Variants in SPATS2L observed in about 807,000 individuals in gnomAD.
SPATS2L encodes the protein SPATS2-like protein.
SPATS2L carries 30 observed loss-of-function variants against 59.6 expected under a neutral mutation model. The observed-to-expected ratio is 0.50, with a 90% CI of 0.38 to 0.68. The LOEUF (loss-of-function observed/expected upper bound fraction) is 0.68. Among genes scored for constraint, SPATS2L ranks in the 30% least tolerant of loss-of-function variants. The probability of loss-of-function intolerance (pLI) is 0.00; values close to 1 mark genes in which losing one functional copy is unlikely to be tolerated. For missense variants in SPATS2L, 615 were observed against 700.0 expected, an observed-to-expected ratio of 0.88 and a Z score of 1.37; for synonymous variants, 252 against 263.5, an observed-to-expected ratio of 0.96 and a Z score of 0.42.
At chr2:200,469,868 C>A (rs761025502) in intron 10 of SPATS2L, 46 bp from the exon 11 acceptor site, 2 of 1,495,526 alleles carry the variant, frequency 1.3e-6, no homozygotes, top group South Asian at 2.4e-5. Flanking sequence ...GTGCCTTGGT[C>A]ATTTCTGTAA....
rs779277281 is a variant in SPATS2L, at chr2:200,473,013, C to T, written c.1242C>T (p.Thr414=). 3 of 1,613,620 alleles carry T rather than the reference C, an allele frequency of 1.9e-6. No homozygotes were observed. The highest frequency in any genetic ancestry group is 2.2e-5 in the South Asian group (2 of 91,058). Residue 414 remains threonine (T), a synonymous_variant, in exon 12 of 13, where the codon ACC becomes ACT. Coordinates refer to ENST00000409140, the MANE Select transcript of SPATS2L (RefSeq NM_001100423.2). ...NPKMVSSLPS[T]ADPSHQTMPA... ...AAATGGTGAGCAGTCTCCCCAGCAC[C>T]GCCGACCCCTCTCACCAGACCATGC...
Position 200,481,372 on chromosome 2 carries a change from A to G in SPATS2L, c.*3341A>G, listed in dbSNP as rs1310295317. 1.3e-5 allele frequency: 2 copies of G among 152,176 alleles called. No individual in the cohort carries two copies. The highest frequency in any genetic ancestry group is 4.8e-5 in the African/African-American group (2 of 41,430). The allele number at this position is 152,176 out of a possible 1,614,324, so 9.4% of individuals were successfully genotyped here. A position where few individuals can be genotyped will look rare whatever the true frequency, so the allele number is the denominator to read the frequency against. Reference sequence around the variant, plus strand: ...AGATTTGGAAATTCTGACTCTCTGAAAGCCTTGATTTGAACCTCAAACTTG... The same window carrying G: ...AGATTTGGAAATTCTGACTCTCTGAGAGCCTTGATTTGAACCTCAAACTTG... On this transcript the variant is annotated 3_prime_UTR_variant, in exon 13 of 13. Transcript: ENST00000409140.
chr2:200,391,204 G>A (rs978282613), intron 3 of SPATS2L, among the ~76,000 whole-genome samples: 4 of 152,068 alleles, frequency 2.6e-5, no homozygotes, highest in South Asian at 4.1e-4. Flanking sequence ...AGCAGTACCC[G>A]TGACTTTCAC....
intron 6 of SPATS2L, among the ~76,000 whole-genome samples, chr2:200,422,008 G>T (rs1397601943): frequency 6.6e-6 from 1 of 152,154 alleles, no homozygotes; most frequent in Non-Finnish European, 1.5e-5. Context: ...ATATAGAAGT[G>T]CCTCCCTTCC....
intron 3 of SPATS2L, among the ~76,000 whole-genome samples, chr2:200,399,900 G>A (rs1181799199): frequency 6.6e-6 from 1 of 152,074 alleles, no homozygotes; most frequent in Non-Finnish European, 1.5e-5. Context: ...TTGGTTAAAG[G>A]GTAATAGTGA....
At chr2:200,457,452 G>T (rs2085925526) in intron 8 of SPATS2L, among the ~76,000 whole-genome samples, 1 of 152,178 alleles carries the variant, frequency 6.6e-6, no homozygotes, top group South Asian at 2.1e-4. Flanking sequence ...GAGTAAGTTG[G>T]GGCAGAGATG....
At chr2:200,326,500 A>T (rs568889236) in intron 1 of SPATS2L, among the ~76,000 whole-genome samples, 8 of 152,124 alleles carry the variant, frequency 5.3e-5, no homozygotes, top group Non-Finnish European at 8.8e-5. Context: ...CCAAATGAGC[A>T]TTTTTCCTCA....
At chr2:200,321,664 A>T (rs1023604934) in intron 1 of SPATS2L, among the ~76,000 whole-genome samples, 5 of 152,234 alleles carry the variant, frequency 3.3e-5, no homozygotes, top group Non-Finnish European at 7.3e-5. Context: ...ACCACAGCTG[A>T]TATCGTTTAC....
intron 2 of SPATS2L, among the ~76,000 whole-genome samples, chr2:200,358,322 C>G (rs1365140520): frequency 1.3e-5 from 2 of 152,202 alleles, no homozygotes; most frequent in Admixed American, 1.3e-4. Flanking sequence ...AGAATTAGCA[C>G]TAGTTGATGA....
chr2:200,440,558 TCTGGTGGGCTAATTGC>T, intron 7 of SPATS2L, 75 bp from the exon 8 acceptor site: 1 of 1,278,568 alleles, frequency 7.8e-7, no homozygotes, highest in Admixed American at 2.2e-5. Flanking sequence ...AGTCCCTTTT[TCTGGTGGGCTAATTGC>T]TTTGTTTTGT....
At chr2:200,438,949 G>A (rs2084493564) in intron 6 of SPATS2L, among the ~76,000 whole-genome samples, 173 bp from the exon 7 acceptor site, 1 of 152,134 alleles carries the variant, frequency 6.6e-6, no homozygotes, top group South Asian at 2.1e-4. Flanking sequence ...GGCTCTTCTA[G>A]TACACCCTCT....
chr2:200,344,065 A>C (rs969602116), intron 2 of SPATS2L, among the ~76,000 whole-genome samples: 3 of 151,860 alleles, frequency 2.0e-5, no homozygotes, highest in African/African-American at 7.2e-5. Flanking sequence ...ATTTATTTTT[A>C]AATAAAATTT....
rs553630178 is a variant in SPATS2L, at chr2:200,439,170, A to T, written c.494A>T (p.Lys165Ile). Residue 165 changes from lysine (K) to isoleucine (I), a missense_variant, in exon 7 of 13, where the codon AAA (lysine) becomes ATA (isoleucine). Physicochemically the swap from Lys to Ile is moderately radical, Grantham distance 102. This residue lies in a region of SPATS2L where 227 missense variants were observed against 257.4 expected (regional missense o/e 0.88). Coordinates refer to ENST00000409140, the MANE Select transcript of SPATS2L (RefSeq NM_001100423.2). ...QQKLSLDGNP[K>I]PIHGTTERSD... ...AAACTATCCTTAGATGGGAACCCCA[A>T]ACCTATACATGGAACAACAGAGAGG... The T allele has an allele frequency of 7.4e-6, 12 of 1,613,756 alleles. No individual in the cohort carries two copies. The South Asian group carries it at 1.1e-4, about 15-fold the overall frequency.
intron 1 of SPATS2L, among the ~76,000 whole-genome samples, chr2:200,318,651 T>C (rs2105765425): frequency 6.6e-6 from 1 of 152,310 alleles, no homozygotes; most frequent in South Asian, 2.1e-4. Context: ...TGCATTTAAA[T>C]TTACATTTTC....
chr2:200,336,649 G>A (rs1391562182), intron 2 of SPATS2L, among the ~76,000 whole-genome samples: 2 of 152,052 alleles, frequency 1.3e-5, no homozygotes, highest in Admixed American at 6.6e-5. Flanking sequence ...CACCAAATGT[G>A]TATCCGATAC....
intron 9 of SPATS2L, among the ~76,000 whole-genome samples, chr2:200,460,266 T>C (rs2086140305): frequency 6.6e-6 from 1 of 152,226 alleles, no homozygotes; most frequent in African/African-American, 2.4e-5. Flanking sequence ...AAGTTTATCA[T>C]ATTAAATTTT....
intron 2 of SPATS2L, among the ~76,000 whole-genome samples, chr2:200,347,607 TG>T (rs1233561806): frequency 1.3e-5 from 2 of 152,202 alleles, no homozygotes; most frequent in Non-Finnish European, 2.9e-5. Context: ...GGATCCATCC[TG>T]GTCATATAAC....
At chr2:200,389,381 G>A in intron 3 of SPATS2L, 98 bp downstream of exon 3, 1 of 814,184 alleles carries the variant, frequency 1.2e-6, no homozygotes, top group Non-Finnish European at 2.0e-6. Context: ...AGGGAAAGTG[G>A]TTTTGGGGGA....
chr2:200,314,331 C>T (rs929067548), intron 1 of SPATS2L, among the ~76,000 whole-genome samples: 5 of 152,182 alleles, frequency 3.3e-5, no homozygotes, highest in African/African-American at 9.7e-5. Flanking sequence ...CTTGAATCTG[C>T]TCTTTCCTCC....
Sources: allele counts gnomAD v4.1 joint callset (sites outside exome capture counted in the v4.1 genomes callset), GRCh38; gene constraint gnomAD v4.1.1; regional missense constraint gnomAD v4.1.1; transcripts MANE v1.5; gene names NCBI Gene and HGNC (gene_info 2026-07-23, HGNC 2026-07-21).